Variants in CSMD3 observed in about 807,000 individuals in gnomAD.
CSMD3 encodes the protein CUB and sushi domain-containing protein 3.
A neutral mutation model predicts 435.2 loss-of-function variants in CSMD3; 177 were observed. The ratio of observed to expected loss-of-function variants is 0.41; its 90% CI spans 0.36 to 0.46. CSMD3 has a LOEUF of 0.46. Ranked by LOEUF, CSMD3 falls within the 20% of genes least tolerant of loss-of-function variation. CSMD3 has a pLI of 0.34. For missense variants in CSMD3, 4,265 were observed against 4,504.6 expected (o/e 0.95, Z 1.52); for synonymous variants, 1,656 against 1,520.5 (o/e 1.09, Z -2.07).
chr8:113,090,760 T>C (rs948476523), intron 5 of CSMD3, among the ~76,000 whole-genome samples: 1 of 152,148 alleles, frequency 6.6e-6, no homozygotes. Context: ...TGCAAGCTTA[T>C]AATTGTTTCT....
chr8:112,282,778 T>C (rs1818788336), intron 58 of CSMD3, among the ~76,000 whole-genome samples: 1 of 152,082 alleles, frequency 6.6e-6, no homozygotes, highest in African/African-American at 2.4e-5. Context: ...GGCTTAAAGC[T>C]TGCTGGATAC....
In CSMD3 at chr8:112,724,774, A is replaced by G. The variant is rs190202074; in HGVS notation, c.1973-34724T>C. ...GAATGTGAGAGACAAAAAGATGATG[A>G]AGTTGCATTAACATTAAGTGATCAG... On this transcript the variant is annotated intron_variant, in intron 13 of 70. Transcript: ENST00000297405. Among the ~76,000 whole-genome samples, 486 of 152,138 alleles carry G rather than the reference A, an allele frequency of 3.2e-3. 2 individuals are homozygous for G. The highest frequency in any genetic ancestry group is 5.3e-3 in the Non-Finnish European group (358 of 67,966).
At chr8:113,365,326 A>C (rs2133017693) in intron 1 of CSMD3, among the ~76,000 whole-genome samples, 1 of 152,216 alleles carries the variant, frequency 6.6e-6, no homozygotes, top group African/African-American at 2.4e-5. Context: ...ATAACTCATA[A>C]AATAGCTATA....
intron 1 of CSMD3, among the ~76,000 whole-genome samples, chr8:113,328,255 G>A (rs902960592): frequency 6.6e-6 from 1 of 151,380 alleles, no homozygotes; most frequent in East Asian, 1.9e-4. Flanking sequence ...CGGCTAAAAC[G>A]GTGAAACCCC....
chr8:113,241,589 C>A, intron 3 of CSMD3, among the ~76,000 whole-genome samples: 1 of 148,336 alleles, frequency 6.7e-6, no homozygotes, highest in Non-Finnish European at 1.5e-5. Context: ...TATTTGGATG[C>A]CTGTATTTTT....
chr8:112,535,913 C>A (rs1440896003), intron 27 of CSMD3, among the ~76,000 whole-genome samples: 27 of 152,018 alleles, frequency 1.8e-4, no homozygotes, highest in South Asian at 4.1e-4. Context: ...GAAAAACAAG[C>A]AATGGGGAAA....
intron 18 of CSMD3, among the ~76,000 whole-genome samples, chr8:112,654,587 T>G (rs2075211021): frequency 6.6e-6 from 1 of 152,212 alleles, no homozygotes; most frequent in Non-Finnish European, 1.5e-5. Flanking sequence ...GTGACAAACT[T>G]GCTGACTGAA....
At chr8:113,324,741 G>A (rs2093972138) in intron 1 of CSMD3, among the ~76,000 whole-genome samples, 1 of 152,134 alleles carries the variant, frequency 6.6e-6, no homozygotes, top group Non-Finnish European at 1.5e-5. Context: ...CCACAGAATG[G>A]TAGATCCACT....
intron 22 of CSMD3, among the ~76,000 whole-genome samples, chr8:112,629,598 G>A (rs529572581): frequency 2.0e-5 from 3 of 152,220 alleles, no homozygotes; most frequent in Non-Finnish European, 4.4e-5. Context: ...ATTCCAGGAT[G>A]CATATAGCCA....
intron 4 of CSMD3, among the ~76,000 whole-genome samples, chr8:113,152,465 G>A (rs1315156841): frequency 6.6e-6 from 1 of 151,958 alleles, no homozygotes; most frequent in Non-Finnish European, 1.5e-5. Context: ...ACCTGCATCC[G>A]TATGTCTTGT....
At chr8:112,393,014 T>G (rs188032594) in intron 35 of CSMD3, among the ~76,000 whole-genome samples, 1 of 152,064 alleles carries the variant, frequency 6.6e-6, no homozygotes, top group East Asian at 1.9e-4. Context: ...TACAGGTGTG[T>G]GCCATCACAC....
At chr8:112,922,921 A>G (rs1057045934) in intron 9 of CSMD3, among the ~76,000 whole-genome samples, 1 of 152,166 alleles carries the variant, frequency 6.6e-6, no homozygotes, top group African/African-American at 2.4e-5. Context: ...ATAACGGTCA[A>G]TTATCTGCCT....
intron 13 of CSMD3, among the ~76,000 whole-genome samples, chr8:112,706,436 A>C (rs775896275): frequency 2.6e-5 from 4 of 152,104 alleles, no homozygotes; most frequent in Non-Finnish European, 5.9e-5. Context: ...AAGAAGTAGA[A>C]AGACAAAAAA....
chr8:112,797,047 T>C (rs1359546195), intron 13 of CSMD3, among the ~76,000 whole-genome samples: 1 of 152,018 alleles, frequency 6.6e-6, no homozygotes, highest in African/African-American at 2.4e-5. Flanking sequence ...TTTTATGTTT[T>C]AAAATAGACA....
At chr8:112,340,676 ATT>A (rs1330143530) in intron 42 of CSMD3, among the ~76,000 whole-genome samples, 1 of 152,144 alleles carries the variant, frequency 6.6e-6, no homozygotes, top group Admixed American at 6.5e-5. Context: ...TTAATATTTA[ATT>A]TTAACAGAAT....
At position 113,306,193 on chromosome 8, in the gene CSMD3, GCA is replaced by G. The variant is rs2093819686; in HGVS notation, c.401+8376_401+8377del. Among the ~76,000 whole-genome samples the G allele has an allele frequency of 2.6e-5, 4 of 152,036 alleles. No individual in the cohort carries two copies. The South Asian group carries it at 8.3e-4, about 32-fold the overall frequency. On this transcript the variant is annotated intron_variant, in intron 2 of 70. Coordinates refer to ENST00000297405, the MANE Select transcript of CSMD3 (RefSeq NM_198123.2). Reference sequence around the variant, plus strand: ...TGTTAATATCACATATGTCATTTCAGCACACAGCTATACACGCAATCACTCTA... The same window carrying G: ...TGTTAATATCACATATGTCATTTCAGCACAGCTATACACGCAATCACTCTA...
At chr8:112,882,468 G>T (rs2081475752) in intron 10 of CSMD3, among the ~76,000 whole-genome samples, 1 of 151,958 alleles carries the variant, frequency 6.6e-6, no homozygotes, top group South Asian at 2.1e-4. Context: ...GCTCATTAAA[G>T]CCTCATAGGA....
In CSMD3 at chr8:112,351,227, T is replaced by A. The variant is rs147756726; in HGVS notation, c.6273A>T (p.Thr2091=). 6.2e-7 allele frequency: 1 copy of A among 1,609,372 alleles called. No homozygotes were observed. The highest frequency in any genetic ancestry group is 1.3e-5 in the African/African-American group (1 of 74,840). The stretch of plus-strand genomic sequence containing the variant: ...ATCTTCTTACAGGTCCTGGCATACA[T>A]GTAATGTGAGAGTGACCCTACATAA... The part of the protein sequence containing the change: ...GYSLQGHSHI[T]CMPGPVRRWN... Residue 2091 remains threonine (T), a synonymous_variant, in exon 40 of 71, where the codon ACA becomes ACT. Coordinates refer to ENST00000297405, the MANE Select transcript of CSMD3 (RefSeq NM_198123.2).
chr8:112,631,737 T>C (rs971998688), intron 22 of CSMD3, among the ~76,000 whole-genome samples: 1 of 151,880 alleles, frequency 6.6e-6, no homozygotes, highest in Admixed American at 6.6e-5. Flanking sequence ...GTCCTAATCA[T>C]ACAAGAGAGA....
Sources: gnomAD v4.1 joint callset for allele counts (sites outside exome capture counted in the v4.1 genomes callset) on GRCh38, gnomAD v4.1.1 for gene constraint, MANE v1.5 for transcripts, NCBI Gene and HGNC (gene_info 2026-07-23, HGNC 2026-07-21) for gene names.